GRIK4: variants seen among roughly 807,000 people sequenced by gnomAD.
The protein encoded by GRIK4 is glutamate ionotropic receptor kainate type subunit 4.
A neutral mutation model predicts 104.9 loss-of-function variants in GRIK4; 40 were observed. That is an observed-to-expected ratio of 0.38 (90% confidence interval 0.30 to 0.50). GRIK4 has a LOEUF of 0.50. GRIK4 is among the 20% of genes least tolerant of loss of function. The probability of loss-of-function intolerance (pLI) is 0.93; values close to 1 mark genes in which losing one functional copy is unlikely to be tolerated. For missense variants in GRIK4, 1,047 were observed against 1,308.1 expected (o/e 0.80, Z 3.08); for synonymous variants, 485 against 524.9 (o/e 0.92, Z 1.04).
intron 1 of GRIK4, among the ~76,000 whole-genome samples, chr11:120,652,902 C>A (rs1440937623): frequency 6.6e-6 from 1 of 152,178 alleles, no homozygotes; most frequent in East Asian, 1.9e-4. Context: ...ATGTGCACAG[C>A]CAGAATACCA....
intron 9 of GRIK4, 54 bp downstream of exon 9, chr11:120,862,174 C>G (rs771793297): frequency 1.7e-4 from 252 of 1,487,446 alleles, no homozygotes; most frequent in Non-Finnish European, 2.2e-4. Flanking sequence ...CACATTGCCC[C>G]TCTGTGGGCC....
At chr11:120,620,567 T>C (rs1949174668) in intron 1 of GRIK4, among the ~76,000 whole-genome samples, 1 of 152,180 alleles carries the variant, frequency 6.6e-6, no homozygotes, top group Admixed American at 6.6e-5. Flanking sequence ...ACTCCTGGGC[T>C]CAAGGGATCC....
At chr11:120,728,463 A>C (rs1951070294) in intron 3 of GRIK4, among the ~76,000 whole-genome samples, 1 of 152,220 alleles carries the variant, frequency 6.6e-6, no homozygotes, top group Non-Finnish European at 1.5e-5. Flanking sequence ...AGAGAGATTG[A>C]CATAAAACCA....
intron 4 of GRIK4, among the ~76,000 whole-genome samples, chr11:120,806,551 C>T (rs1952716270): frequency 6.6e-6 from 1 of 152,186 alleles, no homozygotes; most frequent in African/African-American, 2.4e-5. Flanking sequence ...AGGGACTCTG[C>T]TTCAGGGGGA....
chr11:120,858,435 G>T (rs1320256612), intron 8 of GRIK4: 3 of 152,122 alleles, frequency 2.0e-5, no homozygotes. Flanking sequence ...GCACGCCACT[G>T]CCAGGCACTC....
At chr11:120,534,441 A>G (rs930386182) in intron 1 of GRIK4, among the ~76,000 whole-genome samples, 2 of 152,112 alleles carry the variant, frequency 1.3e-5, no homozygotes, top group African/African-American at 2.4e-5. Flanking sequence ...AGGGGCTTTA[A>G]TGAGCTCCCC....
At chr11:120,621,398 G>A (rs1949187352) in intron 1 of GRIK4, among the ~76,000 whole-genome samples, 1 of 152,354 alleles carries the variant, frequency 6.6e-6, no homozygotes, top group Admixed American at 6.5e-5. Flanking sequence ...TAATAGGATA[G>A]TGTAAGCTTG....
intron 3 of GRIK4, among the ~76,000 whole-genome samples, chr11:120,720,418 C>T (rs1950910541): frequency 6.6e-6 from 1 of 152,226 alleles, no homozygotes; most frequent in African/African-American, 2.4e-5. Flanking sequence ...TCAAGGCTGA[C>T]TCCCTTGCAG....
intron 3 of GRIK4, among the ~76,000 whole-genome samples, chr11:120,689,067 G>A (rs1950316238): frequency 6.6e-6 from 1 of 152,106 alleles, no homozygotes; most frequent in Non-Finnish European, 1.5e-5. Context: ...ATGGAAGAAG[G>A]CCCCTGCTGC....
chr11:120,725,038 C>A (rs1379654110), intron 3 of GRIK4, among the ~76,000 whole-genome samples: 1 of 152,086 alleles, frequency 6.6e-6, no homozygotes, highest in African/African-American at 2.4e-5. Context: ...TGCAAATTTT[C>A]TTTTTATTAT....
At chr11:120,836,000 A>T (rs1476198804) in intron 7 of GRIK4, among the ~76,000 whole-genome samples, 2 of 152,214 alleles carry the variant, frequency 1.3e-5, no homozygotes, top group South Asian at 4.1e-4. Flanking sequence ...AAGTTTGCAA[A>T]TGAGTCACTT....
intron 19 of GRIK4, among the ~76,000 whole-genome samples, chr11:120,981,113 C>G (rs1944644817): frequency 6.6e-6 from 1 of 152,164 alleles, no homozygotes; most frequent in African/African-American, 2.4e-5. Flanking sequence ...AGAGACCCTC[C>G]TGGATGAAAG....
At chr11:120,856,844 C>G (rs772258735) in intron 8 of GRIK4, among the ~76,000 whole-genome samples, 9 of 152,192 alleles carry the variant, frequency 5.9e-5, no homozygotes, top group Non-Finnish European at 1.3e-4. Context: ...CTGTAGTTGA[C>G]TAACCTGGTC....
chr11:120,611,446 G>A (rs1949036787), intron 1 of GRIK4, among the ~76,000 whole-genome samples: 1 of 152,166 alleles, frequency 6.6e-6, no homozygotes, highest in Admixed American at 6.5e-5. Flanking sequence ...GCATGCACGT[G>A]TGTGTGTGAA....
At chr11:120,639,928 C>T (rs189415828) in intron 1 of GRIK4, among the ~76,000 whole-genome samples, 88 of 152,248 alleles carry the variant, frequency 5.8e-4, no homozygotes, top group African/African-American at 2.0e-3. Context: ...ATCTTTGACC[C>T]GGATCCTATT....
rs1237943005 is a variant in GRIK4 at position 120,952,253 on chromosome 11, A to G, written c.1591-602A>G. On this transcript the variant is annotated intron_variant, in intron 14 of 20. Coordinates refer to ENST00000527524, the MANE Select transcript of GRIK4 (RefSeq NM_014619.5). This position sits in a 1 kb window ranked among gnomAD's most constrained non-coding sequence, Gnocchi z 5.2. The stretch of plus-strand genomic sequence containing the variant: ...GGCTTTTTTGGGTCCCGGCTCTTCC[A>G]TTTACGCACTGTGGAACCTCGGGCA... Among the ~76,000 whole-genome samples the G allele has an allele frequency of 6.6e-6, 1 of 151,958 alleles. No homozygotes were observed. Among genetic ancestry groups the G allele is most frequent in the Non-Finnish European group, 1.5e-5 (1 of 68,002 alleles).
intron 8 of GRIK4, among the ~76,000 whole-genome samples, chr11:120,856,923 TC>T (rs1954119251): frequency 1.3e-5 from 2 of 152,108 alleles, no homozygotes; most frequent in African/African-American, 4.8e-5. Context: ...GCTGAACATG[TC>T]CCCGGGGCCC....
At chr11:120,812,025 C>T (rs1952839634) in intron 4 of GRIK4, among the ~76,000 whole-genome samples, 1 of 152,104 alleles carries the variant, frequency 6.6e-6, no homozygotes, top group Non-Finnish European at 1.5e-5. Flanking sequence ...ATTTGCCCCA[C>T]CGTTTAAAGA....
intron 3 of GRIK4, among the ~76,000 whole-genome samples, chr11:120,680,053 C>T (rs1950164667): frequency 6.6e-6 from 1 of 152,112 alleles, no homozygotes; most frequent in Admixed American, 6.5e-5. Flanking sequence ...TATATATGAC[C>T]TCCTCCTCTG....
Sources: gnomAD v4.1 joint callset for allele counts (sites outside exome capture counted in the v4.1 genomes callset) on GRCh38, gnomAD v4.1.1 for gene constraint, Gnocchi (gnomAD v3.1) non-coding constraint, MANE v1.5 for transcripts, NCBI Gene and HGNC (gene_info 2026-07-23, HGNC 2026-07-21) for gene names.